The following KHDRBS2 variants were observed in gnomAD, a reference collection of about 807,000 sequenced individuals.
KHDRBS2 encodes KH RNA binding domain containing, signal transduction associated 2.
In KHDRBS2, 26 loss-of-function variants were observed where a neutral mutation model predicts 44.3. The ratio of observed to expected loss-of-function variants is 0.59; its 90% CI spans 0.43 to 0.81. The LOEUF (loss-of-function observed/expected upper bound fraction) is 0.81. KHDRBS2 is among the 40% of genes least tolerant of loss of function. KHDRBS2 has a pLI of 0.00. For synonymous variants in KHDRBS2, 194 were observed against 151.1 expected (o/e 1.28, Z -2.08); for missense variants, 476 against 433.1 (o/e 1.10, Z -0.88).
chr6:62,129,892 G>A (rs568256666), intron 2 of KHDRBS2, among the ~76,000 whole-genome samples: 1 of 152,076 alleles, frequency 6.6e-6, no homozygotes, highest in South Asian at 2.1e-4. Flanking sequence ...ATCACCTGTA[G>A]GCAATGTTCT....
chr6:62,107,979 A>T (rs1423964470), intron 2 of KHDRBS2, among the ~76,000 whole-genome samples: 1 of 152,158 alleles, frequency 6.6e-6, no homozygotes, highest in Non-Finnish European at 1.5e-5. Flanking sequence ...TAGACCTAAA[A>T]CCATAAAAAC....
chr6:61,929,609 T>A (rs1809637377), intron 4 of KHDRBS2, among the ~76,000 whole-genome samples: 1 of 152,232 alleles, frequency 6.6e-6, no homozygotes, highest in East Asian at 1.9e-4. Context: ...TTGAAACATA[T>A]CACAAAGAGA....
intron 2 of KHDRBS2, among the ~76,000 whole-genome samples, chr6:62,171,901 C>T (rs1315896863): frequency 6.6e-6 from 1 of 152,110 alleles, no homozygotes; most frequent in Non-Finnish European, 1.5e-5. Flanking sequence ...TAATACCAGA[C>T]CTGCCTTACA....
intron 7 of KHDRBS2, among the ~76,000 whole-genome samples, chr6:61,698,572 T>C (rs528513853): frequency 1.8e-4 from 28 of 152,286 alleles, no homozygotes; most frequent in Non-Finnish European, 3.8e-4. Flanking sequence ...GTCATTCTTA[T>C]AGAAGTAAGT....
intron 2 of KHDRBS2, among the ~76,000 whole-genome samples, chr6:62,112,350 G>T (rs1805198943): frequency 6.6e-6 from 1 of 152,096 alleles, no homozygotes; most frequent in Admixed American, 6.6e-5. Flanking sequence ...TTTGATGGGG[G>T]AAATGATTAC....
chr6:61,566,591 G>T, the KHDRBS2 span, among the ~76,000 whole-genome samples: 1 of 152,044 alleles, frequency 6.6e-6, no homozygotes, highest in South Asian at 2.1e-4. Flanking sequence ...CTACGCCCAG[G>T]AATGAAAAAG....
the KHDRBS2 span, among the ~76,000 whole-genome samples, chr6:61,635,832 T>A: frequency 6.6e-6 from 1 of 152,050 alleles, no homozygotes; most frequent in Non-Finnish European, 1.5e-5. Flanking sequence ...TTATTGAGAA[T>A]GATATCATCT....
At chr6:61,660,340 T>C in the KHDRBS2 span, among the ~76,000 whole-genome samples, 3 of 151,914 alleles carry the variant, frequency 2.0e-5, no homozygotes, top group Non-Finnish European at 2.9e-5. Flanking sequence ...GGAGGCACAA[T>C]GTTTCTATAG....
At chr6:61,599,624 C>CA in the KHDRBS2 span, among the ~76,000 whole-genome samples, 1 of 152,172 alleles carries the variant, frequency 6.6e-6, no homozygotes, top group South Asian at 2.1e-4. Flanking sequence ...TTAAATCTGA[C>CA]ACCCAGTAGG....
chr6:61,942,112 C>T (rs905000443), intron 4 of KHDRBS2, among the ~76,000 whole-genome samples: 1 of 150,832 alleles, frequency 6.6e-6, no homozygotes, highest in African/African-American at 2.4e-5. Context: ...AAGCACACCA[C>T]ACCTACCCAA....
chr6:62,225,325 T>G (rs1333908257), intron 1 of KHDRBS2, among the ~76,000 whole-genome samples: 1 of 152,142 alleles, frequency 6.6e-6, no homozygotes, highest in Admixed American at 6.5e-5. Flanking sequence ...AAATTAAAAA[T>G]TAAAGATAGT....
intron 1 of KHDRBS2, among the ~76,000 whole-genome samples, chr6:62,192,999 G>A (rs974146995): frequency 1.3e-4 from 20 of 151,910 alleles, no homozygotes; most frequent in Non-Finnish European, 2.5e-4. Flanking sequence ...TAGTATTTAC[G>A]AATGGCTTAA....
intron 4 of KHDRBS2, among the ~76,000 whole-genome samples, chr6:61,945,518 G>C (rs1813185031): frequency 6.6e-6 from 1 of 151,664 alleles, no homozygotes; most frequent in Non-Finnish European, 1.5e-5. Context: ...ATTTTTTACT[G>C]AATTTAATAT....
chr6:61,704,394 A>G (rs780663188), intron 7 of KHDRBS2, among the ~76,000 whole-genome samples: 13 of 151,834 alleles, frequency 8.6e-5, no homozygotes, highest in Middle Eastern at 3.2e-3. Flanking sequence ...AACCCTAAAA[A>G]TAAGTAGGAA....
At chr6:62,189,455 GT>G (rs1377469972) in intron 1 of KHDRBS2, among the ~76,000 whole-genome samples, 14 of 152,026 alleles carry the variant, frequency 9.2e-5, no homozygotes, top group Admixed American at 3.3e-4. Flanking sequence ...GATAGTAAGT[GT>G]TTGCCATTTT....
intron 6 of KHDRBS2, among the ~76,000 whole-genome samples, chr6:61,786,996 C>T (rs1192066): frequency 0.64 from 95,563 of 148,854 alleles, 31,374 homozygotes; most frequent in African/African-American, 0.79. Flanking sequence ...ATATTTTATA[C>T]AATTGTCAGT....
At chr6:62,245,420 C>T (rs1835383212) in intron 1 of KHDRBS2, among the ~76,000 whole-genome samples, 1 of 152,072 alleles carries the variant, frequency 6.6e-6, no homozygotes. Flanking sequence ...TGGCTGAAAT[C>T]CTTTGAAAAC....
intron 1 of KHDRBS2, among the ~76,000 whole-genome samples, chr6:62,220,762 AT>A (rs976371295): frequency 2.0e-5 from 3 of 151,962 alleles, no homozygotes; most frequent in African/African-American, 7.2e-5. Context: ...CCAAGAAAAA[AT>A]ATGGTAACAT....
intron 2 of KHDRBS2, among the ~76,000 whole-genome samples, chr6:62,055,519 G>A (rs913094180): frequency 1.3e-5 from 2 of 151,950 alleles, no homozygotes; most frequent in African/African-American, 2.4e-5. Context: ...GCAGTGTCTT[G>A]TCAATCTGTA....
Sources: allele counts gnomAD v4.1 joint callset (sites outside exome capture counted in the v4.1 genomes callset), GRCh38; gene constraint gnomAD v4.1.1; transcripts MANE v1.5; gene names NCBI Gene and HGNC (gene_info 2026-07-23, HGNC 2026-07-21).